TTC39A: variants seen among roughly 807,000 people sequenced by gnomAD.
The protein encoded by TTC39A is tetratricopeptide repeat domain 39A.
A neutral mutation model predicts 82.3 loss-of-function variants in TTC39A; 46 were observed. The ratio of observed to expected loss-of-function variants is 0.56; its 90% CI spans 0.44 to 0.71. TTC39A has a LOEUF of 0.71. Ranked by LOEUF, TTC39A falls within the 30% of genes least tolerant of loss-of-function variation. The probability of loss-of-function intolerance (pLI) is 0.00; values close to 1 mark genes in which losing one functional copy is unlikely to be tolerated. For synonymous variants in TTC39A, 254 were observed against 275.2 expected, an observed-to-expected ratio of 0.92 and a Z score of 0.76; for missense variants, 543 against 712.9, an observed-to-expected ratio of 0.76 and a Z score of 2.71.
At chr1:51,305,303 G>A (rs1432980003) in intron 7 of TTC39A, among the ~76,000 whole-genome samples, 157 bp from the exon 8 acceptor site, 4 of 152,136 alleles carry the variant, frequency 2.6e-5, no homozygotes, top group South Asian at 2.1e-4. Context: ...TCCAAAGCTC[G>A]GGCAGTAGAT....
intron 2 of TTC39A, among the ~76,000 whole-genome samples, chr1:51,316,198 G>A (rs529058310): frequency 3.3e-5 from 5 of 152,310 alleles, no homozygotes; most frequent in Non-Finnish European, 5.9e-5. Context: ...CCAGGAGGGC[G>A]CTCAAAGGCT....
At chr1:51,305,260 C>T in intron 7 of TTC39A, 114 bp from the exon 8 acceptor site, 1 of 1,020,276 alleles carries the variant, frequency 9.8e-7, no homozygotes, top group Non-Finnish European at 1.5e-6. Context: ...AGAGGGCCAC[C>T]CCTCTAACTT....
rs1644319340 is a variant in TTC39A, at chr1:51,294,055, T to C, written c.1266+336A>G. On this transcript the variant is annotated intron_variant, in intron 14 of 17. Coordinates refer to ENST00000680483, the MANE Select transcript of TTC39A (RefSeq NM_001297663.2). The surrounding 1 kb of genome is among the most constrained non-coding windows in gnomAD (Gnocchi z 4.3). ...GAGTGAGGGGGACCGTGAAAACAATTATAATCATTGTGACAAGACTGGAGC... is the reference window on the plus strand; with the variant it reads ...GAGTGAGGGGGACCGTGAAAACAATCATAATCATTGTGACAAGACTGGAGC... 6.6e-6 allele frequency among the ~76,000 whole-genome samples: 1 copy of C among 152,114 alleles called. No homozygotes were observed. The highest frequency in any genetic ancestry group is 1.5e-5 in the Non-Finnish European group (1 of 68,012).
chr1:51,313,082 C>A (rs899486156), intron 2 of TTC39A, 139 bp from the exon 3 acceptor site: 15 of 1,205,816 alleles, frequency 1.2e-5, no homozygotes, highest in Non-Finnish European at 1.7e-5. Context: ...AGGGCCTTGG[C>A]CAGGTCTAAT....
chr1:51,304,048 C>T (rs1644780840), intron 8 of TTC39A, among the ~76,000 whole-genome samples: 1 of 152,188 alleles, frequency 6.6e-6, no homozygotes, highest in Non-Finnish European at 1.5e-5. Flanking sequence ...ATCTTTCTAT[C>T]CTTTGGTGGT....
chr1:51,328,886 G>A (rs1014652671), intron 1 of TTC39A, among the ~76,000 whole-genome samples: 1 of 152,202 alleles, frequency 6.6e-6, no homozygotes, highest in African/African-American at 2.4e-5. Context: ...TTGAGTGAGT[G>A]TCTCTGTAGT....
intron 2 of TTC39A, among the ~76,000 whole-genome samples, chr1:51,320,944 C>T (rs1327595954): frequency 6.9e-6 from 1 of 145,860 alleles, no homozygotes; most frequent in African/African-American, 2.6e-5. Context: ...ACGATCTTGG[C>T]TCACTGCAAC....
At chr1:51,301,821 C>G (rs1644670310) in intron 11 of TTC39A, 88 bp from the exon 12 acceptor site, 4 of 1,529,298 alleles carry the variant, frequency 2.6e-6, no homozygotes, top group East Asian at 4.6e-5. Context: ...CACAGCAGAC[C>G]GGGACTCCTC....
chr1:51,320,209 G>C (rs751894174), intron 2 of TTC39A, among the ~76,000 whole-genome samples: 7 of 152,072 alleles, frequency 4.6e-5, no homozygotes, highest in Admixed American at 1.3e-4. Flanking sequence ...AAAACTCAAC[G>C]ATAGGATGAT....
In TTC39A at chr1:51,302,524, G is replaced by T. The variant is rs756755688; in HGVS notation, c.813C>A (p.Tyr271Ter). 6.2e-7 allele frequency: 1 copy of T among 1,609,674 alleles called. No homozygotes were observed. The highest frequency in any genetic ancestry group is 1.1e-5 in the South Asian group (1 of 89,914). ...IEEAEKLLKP[Y>*]LNRYPKGAIF... ...GGCTCACCTTAGGGTACCGGTTCAG[G>T]TAGGGCTTCAAGAGCTTCTCGGCCT... The change falls in exon 10 of 18, where the codon TAC becomes TAA. Residue 271 changes from tyrosine (Y) to a stop codon, truncating the protein, a stop_gained. Coordinates refer to ENST00000680483, the MANE Select transcript of TTC39A (RefSeq NM_001297663.2). LOFTEE classifies it high-confidence loss of function.
At chr1:51,291,435 G>A (rs1328545464) in intron 14 of TTC39A, among the ~76,000 whole-genome samples, 1 of 151,394 alleles carries the variant, frequency 6.6e-6, no homozygotes, top group Non-Finnish European at 1.5e-5. Context: ...AAGTTGCAGT[G>A]AGCCGAGATG....
chr1:51,292,775 A>C (rs991226722), intron 14 of TTC39A, among the ~76,000 whole-genome samples: 2 of 152,202 alleles, frequency 1.3e-5, no homozygotes, highest in East Asian at 1.9e-4. Flanking sequence ...CCTTCCCCCG[A>C]AATAAATAAA....
chr1:51,330,123 C>G lies in TTC39A; in HGVS notation c.41+314G>C. On this transcript the variant is annotated intron_variant, in intron 1 of 17. Coordinates refer to ENST00000680483, the MANE Select transcript of TTC39A (RefSeq NM_001297663.2). This position sits in a 1 kb window ranked among gnomAD's most constrained non-coding sequence, Gnocchi z 4.5. The stretch of plus-strand genomic sequence containing the variant: ...TGGGGATGAGAGTAACAGGGCCCAC[C>G]CCACAGGAGTGAACGCCACGAGGCA... The G allele has an allele frequency of 2.0e-6, 2 of 985,236 alleles. No homozygotes were observed. The highest frequency in any genetic ancestry group is 2.4e-6 in the Non-Finnish European group (2 of 829,770). The allele number at this position is 985,236 out of a possible 1,614,324, so 61.0% of individuals were successfully genotyped here.
intron 2 of TTC39A, among the ~76,000 whole-genome samples, chr1:51,316,049 C>A (rs1438842091): frequency 6.6e-6 from 1 of 152,202 alleles, no homozygotes; most frequent in Non-Finnish European, 1.5e-5. Flanking sequence ...CCTGACCAGC[C>A]CCTTTCCCAC....
rs1367866296 is a variant in TTC39A, at chr1:51,290,572, G to C, written c.1320C>G (p.Leu440=). 6.2e-7 allele frequency: 1 copy of C among 1,613,870 alleles called. No homozygotes were observed. The highest frequency in any genetic ancestry group is 8.5e-7 in the Non-Finnish European group (1 of 1,179,890). ...GYAVIGKQPK[L]TDGILEIITK... ...TGATAATCTCAAGTATCCCATCCGT[G>C]AGTTTCGGCTGCTTCCCAATCACGG... The change falls in exon 15 of 18, where the codon CTC becomes CTG. Residue 440 remains leucine, a synonymous_variant. Transcript: ENST00000680483.
intron 2 of TTC39A, among the ~76,000 whole-genome samples, chr1:51,315,186 G>A (rs1645238695): frequency 6.6e-6 from 1 of 152,188 alleles, no homozygotes; most frequent in South Asian, 2.1e-4. Flanking sequence ...CGGGCAGCTG[G>A]CAGAAATGTG....
upstream of TTC39A, among the ~76,000 whole-genome samples, chr1:51,334,278 C>T (rs911064311): frequency 4.7e-5 from 7 of 150,084 alleles, no homozygotes; most frequent in African/African-American, 9.9e-5. Context: ...CTGAGGTGGG[C>T]GGATCACCTG....
At chr1:51,296,057 G>T in intron 13 of TTC39A, 22 bp downstream of exon 13, 1 of 1,560,424 alleles carries the variant, frequency 6.4e-7, no homozygotes, top group East Asian at 2.4e-5. Flanking sequence ...CCTACACAGT[G>T]GGAGCACGAT....
intron 1 of TTC39A, among the ~76,000 whole-genome samples, chr1:51,344,045 G>C (rs1646067409): frequency 6.6e-6 from 1 of 152,210 alleles, no homozygotes; most frequent in African/African-American, 2.4e-5. Context: ...GAGAAGTTGG[G>C]AGGTAAAATC....
Sources: allele counts gnomAD v4.1 joint callset (sites outside exome capture counted in the v4.1 genomes callset), GRCh38; gene constraint gnomAD v4.1.1; non-coding constraint Gnocchi (gnomAD v3.1); transcripts MANE v1.5; gene names NCBI Gene and HGNC (gene_info 2026-07-23, HGNC 2026-07-21).